CMTM4: variants seen among roughly 807,000 people sequenced by gnomAD.
CMTM4 encodes CKLF like MARVEL transmembrane domain containing 4.
Under a neutral mutation model 19.0 loss-of-function variants are expected in CMTM4, and 8 were observed. The observed-to-expected ratio is 0.42, with a 90% CI of 0.25 to 0.76. CMTM4 has a LOEUF of 0.76. CMTM4 is among the 30% of genes least tolerant of loss of function. The probability of loss-of-function intolerance (pLI) is 0.27; values close to 1 mark genes in which losing one functional copy is unlikely to be tolerated. For synonymous variants in CMTM4, 106 were observed against 121.1 expected, an observed-to-expected ratio of 0.88 and a Z score of 0.82; for missense variants, 228 against 290.2, an observed-to-expected ratio of 0.79 and a Z score of 1.56.
At chr16:66,677,726 GAAT>G (rs1475849884) in intron 1 of CMTM4, among the ~76,000 whole-genome samples, 1 of 151,064 alleles carries the variant, frequency 6.6e-6, no homozygotes, top group Non-Finnish European at 1.5e-5. Context: ...TTTTGAGACA[GAAT>G]CTCACTCTGT....
chr16:66,643,125 T>C (rs779416200), intron 1 of CMTM4, among the ~76,000 whole-genome samples: 3 of 152,176 alleles, frequency 2.0e-5, no homozygotes, highest in Non-Finnish European at 4.4e-5. Flanking sequence ...TTCGTCATGT[T>C]GGTCAGGCTG....
rs900767928 is a variant in CMTM4, at chr16:66,622,417, G to C, written c.463-195C>G. ...AAGTCTTGTTTCAAATACATATGACGGGGTGGCTCAGAGTCAAAGGGAAGC... is the reference window on the plus strand; with the variant it reads ...AAGTCTTGTTTCAAATACATATGACCGGGTGGCTCAGAGTCAAAGGGAAGC... On this transcript the variant is annotated intron_variant, in intron 3 of 3. Transcript: ENST00000394106. This position sits in a 1 kb window ranked among gnomAD's most constrained non-coding sequence, Gnocchi z 4.0. 2.0e-5 allele frequency among the ~76,000 whole-genome samples: 3 copies of C among 151,996 alleles called. No individual in the cohort carries two copies. Among genetic ancestry groups the C allele is most frequent in the African/African-American group, 7.3e-5 (3 of 41,368 alleles).
At chr16:66,631,857 A>G (rs1241397290) in intron 2 of CMTM4, among the ~76,000 whole-genome samples, 1 of 152,038 alleles carries the variant, frequency 6.6e-6, no homozygotes, top group Non-Finnish European at 1.5e-5. Context: ...GTATCTGCTG[A>G]CCTTCCCTCC....
chr16:66,696,611 G>GCCT lies in CMTM4; in HGVS notation c.-87_-86insAGG. 1 of 694,126 alleles carries GCCT rather than the reference G, an allele frequency of 1.4e-6. No homozygotes were observed. The highest frequency in any genetic ancestry group is 1.8e-6 in the Non-Finnish European group (1 of 566,352). The allele number at this position is 694,126 out of a possible 1,614,324, so 43.0% of individuals were successfully genotyped here. ...TCAGCGGGGCCGCCGCATCGCCGCC[G>GCCT]CCGCCGCCGCCGCCGCCGCCCGACT... On this transcript the variant is annotated 5_prime_UTR_variant, in exon 1 of 4. Transcript: ENST00000394106. This position sits in a 1 kb window ranked among gnomAD's most constrained non-coding sequence, Gnocchi z 4.3.
At chr16:66,636,758 G>A (rs2015999880) in intron 1 of CMTM4, among the ~76,000 whole-genome samples, 177 bp from the exon 2 acceptor site, 2 of 152,162 alleles carry the variant, frequency 1.3e-5, no homozygotes, top group South Asian at 4.1e-4. Context: ...CTAAAGAATA[G>A]GTGCAGGGGT....
chr16:66,601,792 C>A, the CMTM4 span, among the ~76,000 whole-genome samples: 11 of 152,330 alleles, frequency 7.2e-5, no homozygotes, highest in African/African-American at 2.6e-4. Flanking sequence ...CAGGTGGGGG[C>A]CTTCCTGGGC....
chr16:66,683,875 G>A (rs752931270), intron 1 of CMTM4, among the ~76,000 whole-genome samples: 5 of 152,082 alleles, frequency 3.3e-5, no homozygotes, highest in African/African-American at 1.2e-4. Context: ...GAATCTCTCT[G>A]AGCCTATTCC....
chr16:66,617,032 A>G lies in CMTM4; in HGVS notation c.*5026T>C, dbSNP rs1207561014. 2.9e-6 allele frequency: 1 copy of G among 347,408 alleles called. No homozygotes were observed. The highest frequency in any genetic ancestry group is 2.1e-5 in the African/African-American group (1 of 47,418). 21.5% of individuals were successfully genotyped at this position (347,408 alleles called of 1,614,324 possible). Reference sequence around the variant, plus strand: ...CTAAATCCCATCAGCAAAGCTGACTAAGGTGGTCTGAGATATGTTCTTACT... The same window carrying G: ...CTAAATCCCATCAGCAAAGCTGACTGAGGTGGTCTGAGATATGTTCTTACT... On this transcript the variant is annotated 3_prime_UTR_variant, in exon 4 of 4. Transcript: ENST00000394106.
Position 66,620,449 on chromosome 16 carries a change from A to G in CMTM4, c.*1609T>C. 1.0e-6 allele frequency: 1 copy of G among 985,502 alleles called. No individual in the cohort carries two copies. Among genetic ancestry groups the G allele is most frequent in the Non-Finnish European group, 1.2e-6 (1 of 829,974 alleles). 61.0% of individuals were successfully genotyped at this position (985,502 alleles called of 1,614,324 possible). On this transcript the variant is annotated 3_prime_UTR_variant, in exon 4 of 4. Transcript: ENST00000394106. ...CAGATCGTACTGAAGGTGTTGGTGCAGGAAGCTAACCCCAACTCCGACCCC... is the reference window on the plus strand; with the variant it reads ...CAGATCGTACTGAAGGTGTTGGTGCGGGAAGCTAACCCCAACTCCGACCCC...
chr16:66,604,666 C>A, the CMTM4 span: 1 of 440,926 alleles, frequency 2.3e-6, no homozygotes, highest in Non-Finnish European at 2.9e-6. Flanking sequence ...GGGGGCGGGG[C>A]GGGGCGTGGC....
At chr16:66,693,280 T>TTTTAGAC (rs1349053203) in intron 1 of CMTM4, among the ~76,000 whole-genome samples, 18 of 152,122 alleles carry the variant, frequency 1.2e-4, no homozygotes, top group Admixed American at 2.6e-4. Context: ...GGGATCTTGC[T>TTTTAGAC]ACGTTGCCCA....
chr16:66,610,022 C>T, downstream of CMTM4: 1 of 1,614,050 alleles, frequency 6.2e-7, no homozygotes, highest in Non-Finnish European at 8.5e-7. The surrounding 1 kb of genome is among the most constrained non-coding windows in gnomAD (Gnocchi z 4.6). Context: ...CTGCCCTGAT[C>T]ACCCCAGCAG....
At chr16:66,675,808 T>TG (rs1290191101) in intron 1 of CMTM4, among the ~76,000 whole-genome samples, 1 of 152,168 alleles carries the variant, frequency 6.6e-6, no homozygotes, top group East Asian at 1.9e-4. Context: ...ACACGACAAG[T>TG]GGGGGCCTGT....
chr16:66,621,901 C>T lies in CMTM4; in HGVS notation c.*157G>A. On this transcript the variant is annotated 3_prime_UTR_variant, in exon 4 of 4. Coordinates refer to ENST00000394106, the MANE Select transcript of CMTM4 (RefSeq NM_181521.3). ...GCCTCCCAACTCCACCGCGGACCCG[C>T]CCACTGGGCCACTCGGGAAACCCTT... 7.0e-7 allele frequency: 1 copy of T among 1,434,454 alleles called. No homozygotes were observed. The highest frequency in any genetic ancestry group is 9.1e-7 in the Non-Finnish European group (1 of 1,096,790). The allele number at this position is 1,434,454 out of a possible 1,614,324, so 88.9% of individuals were successfully genotyped here.
Position 66,696,072 on chromosome 16 carries a change from C to A in CMTM4, c.186+268G>T, listed in dbSNP as rs2017228071. Among the ~76,000 whole-genome samples the A allele has an allele frequency of 3.9e-5, 6 of 152,180 alleles. No individual in the cohort carries two copies. The highest frequency in any genetic ancestry group is 3.9e-4 in the Admixed American group (6 of 15,282). ...CGCCACAGACTCCCGGGAGCGAGGG[C>A]GGAGCGGACAGGTAGGCCCGAAGGC... On this transcript the variant is annotated intron_variant, in intron 1 of 3. Coordinates refer to ENST00000394106, the MANE Select transcript of CMTM4 (RefSeq NM_181521.3). The surrounding 1 kb of genome is among the most constrained non-coding windows in gnomAD (Gnocchi z 4.3).
Position 66,683,202 on chromosome 16 carries a change from T to TATAC in CMTM4, c.186+13137_186+13138insGTAT, listed in dbSNP as rs1567432395. Among the ~76,000 whole-genome samples, 740 of 136,930 alleles carry TATAC rather than the reference T, an allele frequency of 5.4e-3. 13 individuals are homozygous for TATAC. Among genetic ancestry groups the TATAC allele is most frequent in the African/African-American group, 0.019 (706 of 36,496 alleles). 89.8% of individuals were successfully genotyped at this position (136,930 alleles called of 152,430 possible). A position where few individuals can be genotyped will look rare whatever the true frequency, so the allele number is the denominator to read the frequency against. On this transcript the variant is annotated intron_variant, in intron 1 of 3. Transcript: ENST00000394106. Reference sequence around the variant, plus strand: ...ATATGTATATATATATACATATATATATATATATAAATTTTCCCCATGGAT... The same window carrying TATAC: ...ATATGTATATATATATACATATATATATACATATATATAAATTTTCCCCATGGAT...
intron 1 of CMTM4, among the ~76,000 whole-genome samples, chr16:66,676,902 G>T (rs1486208039): frequency 2.6e-5 from 4 of 152,146 alleles, no homozygotes; most frequent in African/African-American, 9.7e-5. Context: ...GAGAGTCAGG[G>T]ACATATGTAA....
chr16:66,674,462 C>T (rs1172366085), intron 1 of CMTM4, among the ~76,000 whole-genome samples: 2 of 152,074 alleles, frequency 1.3e-5, no homozygotes, highest in South Asian at 2.1e-4. Flanking sequence ...ACAACTACAG[C>T]GGAAATTCTA....
chr16:66,634,438 T>TA (rs2015950807), intron 2 of CMTM4, among the ~76,000 whole-genome samples: 2 of 137,764 alleles, frequency 1.5e-5, no homozygotes, highest in African/African-American at 6.5e-5. Context: ...AGACTCTGTC[T>TA]CAAAAAAACA....
Sources: allele counts gnomAD v4.1 joint callset (sites outside exome capture counted in the v4.1 genomes callset), GRCh38; gene constraint gnomAD v4.1.1; non-coding constraint Gnocchi (gnomAD v3.1); transcripts MANE v1.5; gene names NCBI Gene and HGNC (gene_info 2026-07-23, HGNC 2026-07-21).